DNAH10: variants seen among roughly 807,000 people sequenced by gnomAD.
DNAH10 encodes the protein axonemal beta dynein heavy chain 10.
In DNAH10, 348 loss-of-function variants were observed where a neutral mutation model predicts 506.6. The ratio of observed to expected loss-of-function variants is 0.69; its 90% confidence interval spans 0.63 to 0.75. The LOEUF (loss-of-function observed/expected upper bound fraction) is 0.75. Among genes scored for constraint, DNAH10 ranks in the 30% least tolerant of loss-of-function variants. The pLI, the probability that DNAH10 is intolerant of heterozygous loss-of-function variation, is 0.00. For missense variants in DNAH10, 5,179 were observed against 5,787.1 expected (o/e 0.89, Z 3.41); for synonymous variants, 2,059 against 2,198.6 (o/e 0.94, Z 1.78).
chr12:123,812,719 A>C (rs1958988317), intron 19 of DNAH10, among the ~76,000 whole-genome samples: 1 of 152,176 alleles, frequency 6.6e-6, no homozygotes. Context: ...TCTGCTGAAC[A>C]GTTCTTCTGG....
In DNAH10 at chr12:123,788,018, A is replaced by T. The variant is rs1463118403; in HGVS notation, c.1620+16A>T. The T allele has an allele frequency of 6.4e-7, 1 of 1,554,572 alleles. No individual in the cohort carries two copies. Among genetic ancestry groups the T allele is most frequent in the South Asian group, 1.2e-5 (1 of 84,298 alleles). ...CGTTCTGCAGGTAGGGGCTGGGCGA[A>T]GGCCGGCGGAATTTGCCCCGAAGAA... On this transcript the variant is annotated intron_variant, in intron 10 of 78. Transcript: ENST00000673944.
intron 19 of DNAH10, 67 bp from the exon 20 acceptor site, chr12:123,813,097 A>G: frequency 7.1e-6 from 8 of 1,130,198 alleles, no homozygotes; most frequent in Non-Finnish European, 9.0e-6. Context: ...ACTGAATACT[A>G]ATATGTACGT....
chr12:123,878,096 T>TTGAA (rs1952340331), intron 48 of DNAH10, among the ~76,000 whole-genome samples, 188 bp downstream of exon 48: 1 of 152,216 alleles, frequency 6.6e-6, no homozygotes, highest in African/African-American at 2.4e-5. Context: ...AGCCTTTGCA[T>TTGAA]TGAAACAGGC....
In DNAH10 at chr12:123,928,863, C is replaced by CG. The variant is rs1955065241; in HGVS notation, c.12306+276_12306+277insG. On this transcript the variant is annotated intron_variant, in intron 70 of 78. Coordinates refer to ENST00000673944, the MANE Select transcript of DNAH10 (RefSeq NM_001372106.1). The surrounding 1 kb of genome is among the most constrained non-coding windows in gnomAD (Gnocchi z 4.9). ...CTTTTCATAAACTTCACGGCCCCCC[C>CG]CCCCACACACAGCCTGCAGTTCGCT... 1 of 466,790 alleles carries CG rather than the reference C, an allele frequency of 2.1e-6. No individual in the cohort carries two copies. The highest frequency in any genetic ancestry group is 2.8e-5 in the African/African-American group (1 of 35,452). The allele number at this position is 466,790 out of a possible 1,614,324, so 28.9% of individuals were successfully genotyped here.
chr12:123,912,668 A>T (rs1193045715), intron 59 of DNAH10, among the ~76,000 whole-genome samples: 2 of 152,220 alleles, frequency 1.3e-5, no homozygotes, highest in Non-Finnish European at 2.9e-5. Context: ...CCAAAGTCAC[A>T]TGAAGATCAC....
At chr12:123,856,846 G>A (rs1487970999) in intron 36 of DNAH10, among the ~76,000 whole-genome samples, 1 of 147,700 alleles carries the variant, frequency 6.8e-6, no homozygotes, top group Non-Finnish European at 1.5e-5. Context: ...ATTAATTTCT[G>A]TAATTTAAAT....
Position 123,787,841 on chromosome 12 carries a change from G to A in DNAH10, c.1459G>A (p.Ala487Thr). 1 of 1,614,082 alleles carries A rather than the reference G, an allele frequency of 6.2e-7. No individual in the cohort carries two copies. The highest frequency in any genetic ancestry group is 8.5e-7 in the Non-Finnish European group (1 of 1,180,010). Residue 487 changes from alanine (A) to threonine (T), a missense_variant, in exon 10 of 79, where the codon GCC (alanine) becomes ACC (threonine). Transcript: ENST00000673944. The surrounding 1 kb of genome is among the most constrained non-coding windows in gnomAD (Gnocchi z 4.6). ...GAGTGCCCAAAGCAAAACCTTGGAA[G>A]CCAGGAACACCCTCAGGCTGTGGAA... ...RASAQSKTLE[A>T]RNTLRLWKKA...
In DNAH10 at chr12:123,881,782, C is replaced by A; in HGVS notation, c.8792C>A (p.Ser2931Ter). ...GGGGGCTCAGGGAAGCAGTCTCTTTCGAGGCTGGCTGCCTTCACAGCCAGC... is the reference window on the plus strand; with the variant it reads ...GGGGGCTCAGGGAAGCAGTCTCTTTAGAGGCTGGCTGCCTTCACAGCCAGC... ...GVGGSGKQSL[S>*]RLAAFTASCE... is the part of the protein sequence containing the mutation. The change falls in exon 51 of 79, where the codon TCG (serine) becomes TAG (stop). Residue 2931 changes from serine (S) to a stop codon, truncating the protein, a stop_gained. Transcript: ENST00000673944. LOFTEE classifies it high-confidence loss of function. 1 of 1,520,572 alleles carries A rather than the reference C, an allele frequency of 6.6e-7. No individual in the cohort carries two copies. Among genetic ancestry groups the A allele is most frequent in the South Asian group, 1.3e-5 (1 of 79,904 alleles). The allele number at this position is 1,520,572 out of a possible 1,614,324, so 94.2% of individuals were successfully genotyped here. A position where few individuals can be genotyped will look rare whatever the true frequency, so the allele number is the denominator to read the frequency against.
intron 37 of DNAH10, among the ~76,000 whole-genome samples, chr12:123,857,675 C>T (rs1162784944): frequency 6.6e-6 from 1 of 152,196 alleles, no homozygotes; most frequent in Non-Finnish European, 1.5e-5. Flanking sequence ...TTGCAGTGAG[C>T]CAAGATCGTG....
chr12:123,856,748 C>T lies in DNAH10; in HGVS notation c.6439-308C>T, dbSNP rs1027033603. On this transcript the variant is annotated intron_variant, in intron 36 of 78. Transcript: ENST00000673944. ...ATTTTATATAATTTATATTTATTTA[C>T]ATATTAATATAAAATAAAAAATAAA... Among the ~76,000 whole-genome samples the T allele has an allele frequency of 2.7e-5, 4 of 145,960 alleles. No homozygotes were observed. The East Asian group carries it at 7.9e-4, about 29-fold the overall frequency.
At chr12:123,889,397 G>T (rs1426536522) in intron 52 of DNAH10, among the ~76,000 whole-genome samples, 1 of 152,178 alleles carries the variant, frequency 6.6e-6, no homozygotes, top group African/African-American at 2.4e-5. Flanking sequence ...TTGAGAGGGG[G>T]GATCGGGTCA....
Position 123,762,514 on chromosome 12 carries a change from C to G in DNAH10, c.178C>G (p.Arg60Gly). The G allele has an allele frequency of 6.5e-7, 1 of 1,547,542 alleles. No homozygotes were observed. ...GGGGCCCTCGGCGCTCTTCATCTACCGCACTATGGTGCCGGAGGAGGTGGA... is the reference window on the plus strand; with the variant it reads ...GGGGCCCTCGGCGCTCTTCATCTACGGCACTATGGTGCCGGAGGAGGTGGA... ...EEGPSALFIY[R>G]TMVPEEVEVE... The change falls in exon 1 of 79, where the codon CGC becomes GGC. Residue 60 changes from arginine to glycine, a missense_variant. Physicochemically the swap from Arg to Gly is moderately radical, Grantham distance 125. This residue lies in a region of DNAH10 where 326 missense variants were observed against 330.8 expected (regional missense o/e 0.99). Transcript: ENST00000673944. The surrounding 1 kb of genome is among the most constrained non-coding windows in gnomAD (Gnocchi z 5.0).
chr12:123,930,258 G>C (rs1379767915), intron 72 of DNAH10, 144 bp from the exon 73 acceptor site: 1 of 732,860 alleles, frequency 1.4e-6, no homozygotes, highest in Non-Finnish European at 2.1e-6. Flanking sequence ...GGCCCGAAAG[G>C]TTATGCAAGT....
intron 27 of DNAH10, among the ~76,000 whole-genome samples, chr12:123,833,955 C>T (rs147895108): frequency 9.2e-4 from 140 of 152,254 alleles, no homozygotes; most frequent in Non-Finnish European, 1.6e-3. Context: ...TGTGAGCAAC[C>T]CAGGCTCACT....
intron 53 of DNAH10, among the ~76,000 whole-genome samples, chr12:123,893,971 C>T (rs1254925323): frequency 5.3e-5 from 8 of 151,876 alleles, no homozygotes; most frequent in African/African-American, 1.9e-4. Context: ...GGGTGAGAAA[C>T]TCTGCTTTTG....
chr12:123,918,866 C>T lies in DNAH10; in HGVS notation c.11423C>T (p.Ser3808Leu), dbSNP rs147621959. ...LEVFRLSLKK[S>L]LPDSILMKRL... ...GTCTTCAGGCTGTCACTGAAGAAGT[C>T]GCTGCCTGATTCCATCCTCATGAAA... is the stretch of plus-strand genomic sequence containing the variant. The change falls in exon 65 of 79, where the codon TCG (serine) becomes TTG (leucine). Residue 3808 changes from serine (S) to leucine (L), a missense_variant. Around this residue, in one of 3 missense-constraint regions of DNAH10, gnomAD observed 4,844 missense variants for 5,430.5 expected, o/e 0.89. Coordinates refer to ENST00000673944, the MANE Select transcript of DNAH10 (RefSeq NM_001372106.1). 71 of 1,613,886 alleles carry T rather than the reference C, an allele frequency of 4.4e-5. No homozygotes were observed. The highest frequency in any genetic ancestry group is 4.0e-4 in the East Asian group (18 of 44,882).
intron 46 of DNAH10, among the ~76,000 whole-genome samples, chr12:123,874,835 C>G (rs12580590): frequency 0.089 from 13,551 of 152,078 alleles, 1,629 homozygotes; most frequent in African/African-American, 0.28. Context: ...CCCTGGGTGG[C>G]ACTGCATTGT....
At chr12:123,794,164 T>A (rs1220379451) in intron 12 of DNAH10, 52 bp downstream of exon 12, 81 of 1,064,446 alleles carry the variant, frequency 7.6e-5, no homozygotes, top group Non-Finnish European at 8.8e-5. Context: ...CTTGGCAAAA[T>A]GTGAACAATT....
chr12:123,910,411 G>T (rs867404154), intron 58 of DNAH10, 125 bp from the exon 59 acceptor site: 3 of 1,256,852 alleles, frequency 2.4e-6, no homozygotes, highest in Middle Eastern at 3.9e-4. Flanking sequence ...GGCCGTAGGA[G>T]AGCTTTGTGC....
Sources: gnomAD v4.1 joint callset for allele counts (sites outside exome capture counted in the v4.1 genomes callset) on GRCh38, gnomAD v4.1.1 for gene constraint, gnomAD v4.1.1 regional missense constraint, Gnocchi (gnomAD v3.1) non-coding constraint, MANE v1.5 for transcripts, NCBI Gene and HGNC (gene_info 2026-07-23, HGNC 2026-07-21) for gene names.